C3orf20: variants seen among roughly 807,000 people sequenced by gnomAD.
C3orf20 encodes family with sequence similarity 149 member C, also known as uncharacterized protein C3orf20.
In C3orf20, 76 loss-of-function variants were observed where a neutral mutation model predicts 88.3. That is an observed-to-expected ratio of 0.86 (90% confidence interval 0.72 to 1.04). The LOEUF is 1.04. C3orf20 is among the 50% of genes least tolerant of loss of function. The probability of loss-of-function intolerance (pLI) is 0.00; values close to 1 mark genes in which losing one functional copy is unlikely to be tolerated. For synonymous variants in C3orf20, 436 were observed against 437.4 expected, an observed-to-expected ratio of 1.00 and a Z score of 0.04; for missense variants, 1,056 against 1,123.3, an observed-to-expected ratio of 0.94 and a Z score of 0.86.
At chr3:14,684,133 A>C (rs1029380606) in intron 3 of C3orf20, 109 bp from the exon 4 acceptor site, 331 of 1,389,940 alleles carry the variant, frequency 2.4e-4, no homozygotes, top group Non-Finnish European at 3.0e-4. Context: ...TACCCTAGGA[A>C]TAGCGCTCTA....
intron 7 of C3orf20, among the ~76,000 whole-genome samples, chr3:14,712,179 C>T (rs1252206281): frequency 0.032 from 620 of 19,296 alleles, 2 homozygotes; most frequent in Non-Finnish European, 0.049. Flanking sequence ...CACACGCGCG[C>T]GCGCACACAC....
At chr3:14,734,969 C>A (rs1240915550) in intron 12 of C3orf20, among the ~76,000 whole-genome samples, 2 of 151,950 alleles carry the variant, frequency 1.3e-5, no homozygotes, top group South Asian at 2.1e-4. Flanking sequence ...TTATGTATTA[C>A]AGCCTGTATT....
At chr3:14,722,650 C>T (rs2034208192) in intron 10 of C3orf20, 1 of 449,796 alleles carries the variant, frequency 2.2e-6, no homozygotes. Context: ...AGTCTATCGT[C>T]TCCACAAATT....
chr3:14,717,793 A>G (rs2033994326), intron 9 of C3orf20, among the ~76,000 whole-genome samples: 1 of 151,464 alleles, frequency 6.6e-6, no homozygotes, highest in Admixed American at 6.6e-5. Flanking sequence ...TTTTTTTTCC[A>G]TGATTAAAAA....
In C3orf20 at chr3:14,701,517, C is replaced by T. The variant is rs565782294; in HGVS notation, c.746-1613C>T. Reference sequence around the variant, plus strand: ...TGCCACGACTCCACATGACCACATCCTCATACCACCTGACACCTATCATGG... The same window carrying T: ...TGCCACGACTCCACATGACCACATCTTCATACCACCTGACACCTATCATGG... On this transcript the variant is annotated intron_variant, in intron 5 of 16. Coordinates refer to ENST00000253697, the MANE Select transcript of C3orf20 (RefSeq NM_032137.5). The surrounding 1 kb of genome is among the most constrained non-coding windows in gnomAD (Gnocchi z 4.6). 2.6e-5 allele frequency among the ~76,000 whole-genome samples: 4 copies of T among 152,294 alleles called. No individual in the cohort carries two copies. The highest frequency in any genetic ancestry group is 1.5e-5 in the Non-Finnish European group (1 of 68,020).
chr3:14,741,976 C>T (rs557396330), intron 12 of C3orf20, among the ~76,000 whole-genome samples: 22 of 152,310 alleles, frequency 1.4e-4, no homozygotes, highest in African/African-American at 5.1e-4. Flanking sequence ...ACATGGCTCG[C>T]TGGTGGGCAT....
At chr3:14,686,806 T>C (rs1460349395) in intron 4 of C3orf20, among the ~76,000 whole-genome samples, 1 of 152,258 alleles carries the variant, frequency 6.6e-6, no homozygotes, top group Non-Finnish European at 1.5e-5. Flanking sequence ...CTCCTAACTA[T>C]TTGCTGTCAC....
intron 3 of C3orf20, 125 bp from the exon 4 acceptor site, chr3:14,684,117 C>T (rs776996272): frequency 3.0e-6 from 4 of 1,311,590 alleles, no homozygotes; most frequent in Non-Finnish European, 4.2e-6. Flanking sequence ...CCCCCTCACC[C>T]CTGCATACCC....
At chr3:14,690,545 T>A (rs6442470) in intron 5 of C3orf20, among the ~76,000 whole-genome samples, 127,911 of 152,164 alleles carry the variant, frequency 0.84, 53,867 homozygotes, top group Non-Finnish European at 0.87. Context: ...TCAGTTGCAC[T>A]TCCCAAATTG....
intron 12 of C3orf20, among the ~76,000 whole-genome samples, chr3:14,745,357 T>A (rs146940371): frequency 2.6e-5 from 4 of 152,350 alleles, no homozygotes; most frequent in African/African-American, 9.6e-5. Context: ...AAAACCCAAC[T>A]AGAGTTTCCT....
chr3:14,729,091 C>A (rs1037980923), intron 12 of C3orf20, among the ~76,000 whole-genome samples: 1 of 152,188 alleles, frequency 6.6e-6, no homozygotes, highest in African/African-American at 2.4e-5. Flanking sequence ...CCCACTCATT[C>A]ACATATCATC....
intron 9 of C3orf20, among the ~76,000 whole-genome samples, 180 bp downstream of exon 9, chr3:14,715,589 G>A (rs1049485096): frequency 6.6e-6 from 1 of 152,244 alleles, no homozygotes; most frequent in Non-Finnish European, 1.5e-5. Flanking sequence ...TGGTGGTCCA[G>A]GTTGGCTGAA....
intron 3 of C3orf20, 56 bp from the exon 4 acceptor site, chr3:14,684,185 TG>T: frequency 6.3e-7 from 1 of 1,595,904 alleles, no homozygotes; most frequent in Non-Finnish European, 8.5e-7. Flanking sequence ...GGTCCTTTTC[TG>T]GAAGCATTAG....
intron 9 of C3orf20, among the ~76,000 whole-genome samples, chr3:14,717,092 T>A (rs972130617): frequency 3.9e-5 from 6 of 152,232 alleles, no homozygotes; most frequent in African/African-American, 1.4e-4. Context: ...AGCTAAGTAC[T>A]AGTGCCAACT....
intron 12 of C3orf20, among the ~76,000 whole-genome samples, chr3:14,739,799 G>A (rs2125007522): frequency 6.6e-6 from 1 of 152,314 alleles, no homozygotes; most frequent in Admixed American, 6.5e-5. Flanking sequence ...ACCTTGTACT[G>A]TTGTGTTATG....
At position 14,772,128 on chromosome 3, in the gene C3orf20, G is replaced by T. The variant is rs755502111; in HGVS notation, c.2557G>T (p.Asp853Tyr). The T allele has an allele frequency of 1.2e-6, 2 of 1,614,122 alleles. No individual in the cohort carries two copies. Among genetic ancestry groups the T allele is most frequent in the African/African-American group, 1.3e-5 (1 of 74,960 alleles). Reference sequence around the variant, plus strand: ...ATCAGTCAAGAAAGCCGAGTCAGAAGATATCCAAGGAAGCAGCTCCTCATT... The same window carrying T: ...ATCAGTCAAGAAAGCCGAGTCAGAATATATCCAAGGAAGCAGCTCCTCATT... ...SESVKKAESE[D>Y]IQGSSSSLAL... The change falls in exon 16 of 17, where the codon GAT becomes TAT. Residue 853 changes from aspartate to tyrosine, a missense_variant. Asp to Tyr is a radical substitution (Grantham distance 160, BLOSUM62 -3). Coordinates refer to ENST00000253697, the MANE Select transcript of C3orf20 (RefSeq NM_032137.5). The surrounding 1 kb of genome is among the most constrained non-coding windows in gnomAD (Gnocchi z 4.2).
chr3:14,771,669 C>T (rs9863749), intron 15 of C3orf20, among the ~76,000 whole-genome samples: 19,526 of 152,204 alleles, frequency 0.13, 1,836 homozygotes, highest in African/African-American at 0.26. Context: ...GGCCACGTTC[C>T]GGGGTCTTGG....
Position 14,721,271 on chromosome 3 carries a change from T to C in C3orf20, c.1435-382T>C, listed in dbSNP as rs1271234971. ...GGACAAGAGTCATAGTCAGACCTTG[T>C]GCCTGAGTGGACACATCTGTCTGAT... is the stretch of plus-strand genomic sequence containing the variant. On this transcript the variant is annotated intron_variant, in intron 9 of 16. Transcript: ENST00000253697. Among the ~76,000 whole-genome samples, 5 of 152,336 alleles carry C rather than the reference T, an allele frequency of 3.3e-5. No individual in the cohort carries two copies. In the South Asian group the frequency reaches 1.0e-3, roughly 32 times the overall value.
chr3:14,772,913 C>G lies in C3orf20; in HGVS notation c.*38C>G. The G allele has an allele frequency of 6.5e-7, 1 of 1,549,634 alleles. No individual in the cohort carries two copies. The highest frequency in any genetic ancestry group is 8.9e-7 in the Non-Finnish European group (1 of 1,122,978). On this transcript the variant is annotated 3_prime_UTR_variant, in exon 17 of 17. Coordinates refer to ENST00000253697, the MANE Select transcript of C3orf20 (RefSeq NM_032137.5). This position sits in a 1 kb window ranked among gnomAD's most constrained non-coding sequence, Gnocchi z 4.2. ...AGCAGCCAAGTGAGCCAGGCCCCGG[C>G]CCGGGGTGCTGGGGCTTCTTGCCAG...
Sources: allele counts gnomAD v4.1 joint callset (sites outside exome capture counted in the v4.1 genomes callset), GRCh38; gene constraint gnomAD v4.1.1; non-coding constraint Gnocchi (gnomAD v3.1); transcripts MANE v1.5; gene names NCBI Gene and HGNC (gene_info 2026-07-23, HGNC 2026-07-21).